PARD3B: variants seen among roughly 807,000 people sequenced by gnomAD.
The protein encoded by PARD3B is partitioning defective 3 homolog B.
A neutral mutation model predicts 130.2 loss-of-function variants in PARD3B; 103 were observed. That is an observed-to-expected ratio of 0.79 (90% CI 0.67 to 0.93). PARD3B has a LOEUF of 0.93. PARD3B is among the 40% of genes least tolerant of loss of function. The probability of loss-of-function intolerance (pLI) is 0.00; values close to 1 mark genes in which losing one functional copy is unlikely to be tolerated. For missense variants in PARD3B, 1,609 were observed against 1,499.2 expected (o/e 1.07, Z -1.21); for synonymous variants, 583 against 553.2 (o/e 1.05, Z -0.76).
At chr2:205,442,214 T>TA (rs2047738688) in intron 20 of PARD3B, among the ~76,000 whole-genome samples, 1 of 147,090 alleles carries the variant, frequency 6.8e-6, no homozygotes, top group Admixed American at 6.9e-5. Flanking sequence ...AGGCATTTTA[T>TA]AAAAAAGGAT....
rs1429581859 is a variant in PARD3B at position 205,011,212 on chromosome 2, C to T, written c.395-36369C>T. Among the ~76,000 whole-genome samples, 1 of 152,214 alleles carries T rather than the reference C, an allele frequency of 6.6e-6. No individual in the cohort carries two copies. The highest frequency in any genetic ancestry group is 6.5e-5 in the Admixed American group (1 of 15,282). On this transcript the variant is annotated intron_variant, in intron 3 of 22. Coordinates refer to ENST00000406610, the MANE Select transcript of PARD3B (RefSeq NM_001302769.2). The surrounding 1 kb of genome is among the most constrained non-coding windows in gnomAD (Gnocchi z 4.1). ...TTAAAATGACAAACATTTATTACCT[C>T]ATACAGATGATTACTGTCAGGAATG...
chr2:205,556,107 C>G (rs767046642), intron 22 of PARD3B, among the ~76,000 whole-genome samples: 1 of 152,110 alleles, frequency 6.6e-6, no homozygotes, highest in Non-Finnish European at 1.5e-5. Context: ...GAGAGTGAGG[C>G]GAGCACATCT....
In PARD3B at chr2:205,253,943, T is replaced by A. The variant is rs1438732822; in HGVS notation, c.2185+8121T>A. 2.0e-5 allele frequency among the ~76,000 whole-genome samples: 3 copies of A among 151,816 alleles called. No individual in the cohort carries two copies. In the South Asian group the frequency reaches 6.2e-4, roughly 32 times the overall value. On this transcript the variant is annotated intron_variant, in intron 16 of 22. Transcript: ENST00000406610. This position sits in a 1 kb window ranked among gnomAD's most constrained non-coding sequence, Gnocchi z 4.4. ...AGGTGGTTTGAAAGAAGAGGTTGGG[T>A]TGAAAATGAACAGTATTTTGTCAAC... is the stretch of plus-strand genomic sequence containing the variant.
chr2:205,225,016 A>G (rs1019066766), intron 15 of PARD3B, among the ~76,000 whole-genome samples: 2 of 152,148 alleles, frequency 1.3e-5, no homozygotes, highest in African/African-American at 4.8e-5. Context: ...GTTGATGGAC[A>G]ATTAGGTAGC....
intron 19 of PARD3B, among the ~76,000 whole-genome samples, chr2:205,422,556 A>G (rs972914124): frequency 6.6e-6 from 1 of 152,166 alleles, no homozygotes; most frequent in Non-Finnish European, 1.5e-5. Flanking sequence ...TTAGTCATGC[A>G]GGTAATTGAA....
chr2:205,318,558 A>G lies in PARD3B; in HGVS notation c.2630+16857A>G, dbSNP rs1452446322. On this transcript the variant is annotated intron_variant, in intron 18 of 22. Transcript: ENST00000406610. The stretch of plus-strand genomic sequence containing the variant: ...CTTTTCATTTTAATTTTACTTTGCT[A>G]TTTTCAATACAGCTTCTTTCCCTAT... 2.6e-5 allele frequency among the ~76,000 whole-genome samples: 4 copies of G among 152,186 alleles called. No homozygotes were observed. The East Asian group carries it at 7.7e-4, about 29-fold the overall frequency.
chr2:204,760,144 G>T (rs997306588), intron 2 of PARD3B, among the ~76,000 whole-genome samples: 1 of 151,956 alleles, frequency 6.6e-6, no homozygotes, highest in Non-Finnish European at 1.5e-5. Context: ...TTATATTTTT[G>T]AGTTAAAAAT....
At chr2:204,674,390 T>G (rs950527586) in intron 1 of PARD3B, among the ~76,000 whole-genome samples, 1 of 152,160 alleles carries the variant, frequency 6.6e-6, no homozygotes, top group Non-Finnish European at 1.5e-5. Context: ...TCTGGAGGAA[T>G]GAAGTTGTTA....
chr2:204,703,852 G>A (rs1166166788), intron 2 of PARD3B, among the ~76,000 whole-genome samples: 4 of 152,030 alleles, frequency 2.6e-5, no homozygotes, highest in Non-Finnish European at 5.9e-5. Context: ...TAAATTAGAT[G>A]CCACAATGTA....
Position 205,328,451 on chromosome 2 carries a change from T to G in PARD3B, c.2630+26750T>G, listed in dbSNP as rs563873427. ...AGATAATAACCCCCTTAATGGTTTTTATAAGTAAATATCAGTACAAAATTA... is the reference window on the plus strand; with the variant it reads ...AGATAATAACCCCCTTAATGGTTTTGATAAGTAAATATCAGTACAAAATTA... On this transcript the variant is annotated intron_variant, in intron 18 of 22. Coordinates refer to ENST00000406610, the MANE Select transcript of PARD3B (RefSeq NM_001302769.2). 1.6e-4 allele frequency among the ~76,000 whole-genome samples: 24 copies of G among 152,278 alleles called. 1 individual carries two copies. The highest frequency in any genetic ancestry group is 4.3e-4 in the African/African-American group (18 of 41,568).
At chr2:204,575,284 C>T (rs1353112198) in intron 1 of PARD3B, among the ~76,000 whole-genome samples, 1 of 152,150 alleles carries the variant, frequency 6.6e-6, no homozygotes, top group Non-Finnish European at 1.5e-5. Flanking sequence ...GTTTTAAAGG[C>T]ATTCATTTAA....
intron 19 of PARD3B, among the ~76,000 whole-genome samples, chr2:205,432,333 T>C (rs1436963077): frequency 1.3e-5 from 2 of 152,184 alleles, no homozygotes; most frequent in Admixed American, 6.5e-5. Context: ...CCCTTTACCA[T>C]GTAAGTCAGA....
rs1334001447 is a variant in PARD3B, at chr2:205,558,194, G to A, written c.3260+4791G>A. 2.0e-5 allele frequency among the ~76,000 whole-genome samples: 3 copies of A among 152,148 alleles called. No individual in the cohort carries two copies. The highest frequency in any genetic ancestry group is 7.2e-5 in the African/African-American group (3 of 41,440). On this transcript the variant is annotated intron_variant, in intron 22 of 22. Coordinates refer to ENST00000406610, the MANE Select transcript of PARD3B (RefSeq NM_001302769.2). This position sits in a 1 kb window ranked among gnomAD's most constrained non-coding sequence, Gnocchi z 4.8. ...ATGCTGACTTGGCTCTAGGCAAGAG[G>A]CCAGGGCTCCTGTCCAGCAAGACTT...
At chr2:204,684,278 A>C (rs1346291130) in intron 1 of PARD3B, among the ~76,000 whole-genome samples, 5 of 152,174 alleles carry the variant, frequency 3.3e-5, no homozygotes, top group Non-Finnish European at 5.9e-5. Flanking sequence ...CAAATATACT[A>C]TAAAGAAAAC....
rs1658023927 is a variant in PARD3B, at chr2:205,550,706, A to G, written c.3181-2618A>G. ...GAATAAGGATCACCTTACATTTCAT[A>G]CAATCTTATATGCTGTTGGGTATAT... is the stretch of plus-strand genomic sequence containing the variant. On this transcript the variant is annotated intron_variant, in intron 21 of 22. Transcript: ENST00000406610. The surrounding 1 kb of genome is among the most constrained non-coding windows in gnomAD (Gnocchi z 4.5). 6.6e-6 allele frequency among the ~76,000 whole-genome samples: 1 copy of G among 151,866 alleles called. No homozygotes were observed. The highest frequency in any genetic ancestry group is 6.6e-5 in the Admixed American group (1 of 15,222).
At position 204,796,420 on chromosome 2, in the gene PARD3B, A is replaced by G. The variant is rs114456478; in HGVS notation, c.222+110138A>G. ...CAGTCAGAAAGCTCGCAGTCCTCCA[A>G]TACATGGACCAGAGAAAGAAATTTC... On this transcript the variant is annotated intron_variant, in intron 2 of 22. Transcript: ENST00000406610. Among the ~76,000 whole-genome samples the G allele has an allele frequency of 6.5e-3, 991 of 151,680 alleles. 12 individuals are homozygous for G. Among genetic ancestry groups the G allele is most frequent in the African/African-American group, 0.023 (952 of 41,484 alleles).
At chr2:205,384,256 A>G (rs1409390692) in intron 18 of PARD3B, among the ~76,000 whole-genome samples, 2 of 152,028 alleles carry the variant, frequency 1.3e-5, no homozygotes, top group African/African-American at 2.4e-5. Flanking sequence ...AAATTGACTC[A>G]CTTTAAGTTT....
intron 3 of PARD3B, among the ~76,000 whole-genome samples, chr2:205,005,177 A>G (rs1385206202): frequency 6.6e-6 from 1 of 151,982 alleles, no homozygotes; most frequent in Non-Finnish European, 1.5e-5. Context: ...ATACACACAC[A>G]CACATATACA....
chr2:204,762,483 G>A (rs536630162), intron 2 of PARD3B, among the ~76,000 whole-genome samples: 2 of 152,182 alleles, frequency 1.3e-5, no homozygotes, highest in South Asian at 2.1e-4. Context: ...CAAGAGGCAG[G>A]ATTTCTATGA....
Sources: gnomAD v4.1 joint callset for allele counts (sites outside exome capture counted in the v4.1 genomes callset) on GRCh38, gnomAD v4.1.1 for gene constraint, Gnocchi (gnomAD v3.1) non-coding constraint, MANE v1.5 for transcripts, NCBI Gene and HGNC (gene_info 2026-07-23, HGNC 2026-07-21) for gene names.